The following RANBP2 variants were observed in gnomAD, a reference collection of about 807,000 sequenced individuals.
The protein encoded by RANBP2 is E3 SUMO-protein ligase RanBP2.
RANBP2 carries 57 observed loss-of-function variants against 303.6 expected under a neutral mutation model. That is an observed-to-expected ratio of 0.19 (90% CI 0.15 to 0.23). RANBP2 has a LOEUF of 0.23. Ranked by LOEUF, RANBP2 falls within the 10% of genes least tolerant of loss-of-function variation. The probability of loss-of-function intolerance (pLI) is 1.00; values close to 1 mark genes in which losing one functional copy is unlikely to be tolerated. For missense variants in RANBP2, 3,138 were observed against 3,780.8 expected, an observed-to-expected ratio of 0.83 and a Z score of 4.46; for synonymous variants, 1,167 against 1,301.5, an observed-to-expected ratio of 0.90 and a Z score of 2.23.
intron 1 of RANBP2, among the ~76,000 whole-genome samples, chr2:108,722,637 T>A (rs1021044127): frequency 8.1e-6 from 1 of 123,374 alleles, no homozygotes; most frequent in African/African-American, 5.0e-5. Context: ...TCACATGTGC[T>A]TTTGCCCTTA....
In RANBP2 at chr2:108,781,341, G is replaced by A. The variant is rs1283927646; in HGVS notation, c.8672G>A (p.Gly2891Asp). The A allele has an allele frequency of 6.2e-7, 1 of 1,614,146 alleles. No individual in the cohort carries two copies. The highest frequency in any genetic ancestry group is 1.7e-5 in the Admixed American group (1 of 60,022). ...CAGTCAGTCGGAACCCAGTCAGCCGGTAAAGTTGGTGAAGATGAAGATGGT... is the reference window on the plus strand; with the variant it reads ...CAGTCAGTCGGAACCCAGTCAGCCGATAAAGTTGGTGAAGATGAAGATGGT... ...GTQSVGTQSAGKVGEDEDGSD... is the reference protein window; with the variant it reads ...GTQSVGTQSADKVGEDEDGSD... Residue 2891 changes from glycine to aspartate, a missense_variant, in exon 26 of 29, where the codon GGT (glycine) becomes GAT (aspartate). Coordinates refer to ENST00000283195, the MANE Select transcript of RANBP2 (RefSeq NM_006267.5).
At chr2:109,589,235 C>G in the RANBP2 span, among the ~76,000 whole-genome samples, 3 of 152,070 alleles carry the variant, frequency 2.0e-5, no homozygotes, top group Admixed American at 1.3e-4. Context: ...CTCCACCTCC[C>G]AGGTTCAAGT....
chr2:109,228,414 C>T, the RANBP2 span, among the ~76,000 whole-genome samples: 38 of 152,248 alleles, frequency 2.5e-4, no homozygotes, highest in African/African-American at 9.1e-4. Context: ...TCCTTGATAC[C>T]CACAATGCAC....
At chr2:108,968,849 G>A in the RANBP2 span, among the ~76,000 whole-genome samples, 1,114 of 152,316 alleles carry the variant, frequency 7.3e-3, 13 homozygotes, top group African/African-American at 0.025. Flanking sequence ...GCTTCACTCT[G>A]CTATGCACTA....
the RANBP2 span, among the ~76,000 whole-genome samples, chr2:109,583,873 A>C: frequency 2.6e-5 from 4 of 152,168 alleles, no homozygotes; most frequent in African/African-American, 7.2e-5. Flanking sequence ...ATCCTAAGCA[A>C]ATTAACTCAG....
chr2:108,736,391 A>G, intron 6 of RANBP2, 142 bp downstream of exon 6: 1 of 1,490,396 alleles, frequency 6.7e-7, no homozygotes, highest in South Asian at 1.2e-5. Flanking sequence ...AACAACTAGG[A>G]GGCAATCTTA....
chr2:109,680,362 C>G, the RANBP2 span, among the ~76,000 whole-genome samples: 9 of 149,204 alleles, frequency 6.0e-5, no homozygotes, highest in African/African-American at 2.2e-4. Flanking sequence ...CAGAGCGAGA[C>G]TCTGTCTCAA....
chr2:108,878,406 T>C, the RANBP2 span: 91 of 215,540 alleles, frequency 4.2e-4, no homozygotes, highest in African/African-American at 2.1e-3. Context: ...AAACTGATAA[T>C]AAAATCAGGT....
intron 28 of RANBP2, among the ~76,000 whole-genome samples, chr2:108,783,282 G>GT (rs1245054524): frequency 8.0e-5 from 11 of 137,428 alleles, no homozygotes; most frequent in African/African-American, 3.1e-4. Context: ...AGTGAGCTAG[G>GT]TTTGCACCAC....
At chr2:109,003,988 A>T in the RANBP2 span, among the ~76,000 whole-genome samples, 1 of 152,228 alleles carries the variant, frequency 6.6e-6, no homozygotes, top group African/African-American at 2.4e-5. Flanking sequence ...CTTCTAGCTG[A>T]CATCAAAGAG....
At chr2:109,644,315 A>G in the RANBP2 span, among the ~76,000 whole-genome samples, 1 of 152,068 alleles carries the variant, frequency 6.6e-6, no homozygotes, top group East Asian at 1.9e-4. Context: ...CAAAAAAAAA[A>G]TCAGACTCCA....
the RANBP2 span, chr2:109,553,207 G>T: frequency 8.7e-6 from 14 of 1,613,864 alleles, no homozygotes; most frequent in Non-Finnish European, 1.2e-5. Context: ...TGGCTTCATA[G>T]GTCTCTTGAA....
the RANBP2 span, among the ~76,000 whole-genome samples, chr2:108,860,426 C>A: frequency 6.6e-6 from 1 of 151,750 alleles, no homozygotes; most frequent in African/African-American, 2.4e-5. Flanking sequence ...TTGGGGGAAA[C>A]CCTTTCAACT....
chr2:108,833,801 C>T, the RANBP2 span, among the ~76,000 whole-genome samples: 3 of 146,144 alleles, frequency 2.1e-5, no homozygotes, highest in Non-Finnish European at 4.5e-5. Context: ...GATCTCGGCT[C>T]ACTGCAAGCT....
At chr2:109,520,598 C>CAAAAAA in the RANBP2 span, among the ~76,000 whole-genome samples, 2 of 50,100 alleles carry the variant, frequency 4.0e-5, no homozygotes, top group Non-Finnish European at 8.0e-5. Context: ...GACTCCATCT[C>CAAAAAA]AAAAAAAAAA....
intron 7 of RANBP2, 43 bp downstream of exon 7, chr2:108,740,724 C>T: frequency 6.3e-7 from 1 of 1,597,200 alleles, no homozygotes; most frequent in Non-Finnish European, 8.5e-7. Context: ...TTCACTGAGT[C>T]TTGATGTGTT....
chr2:108,846,160 A>C, the RANBP2 span, among the ~76,000 whole-genome samples: 78 of 152,282 alleles, frequency 5.1e-4, no homozygotes, highest in Non-Finnish European at 1.0e-3. Flanking sequence ...ATGGTGGAGC[A>C]ATCAGCAACT....
intron 7 of RANBP2, among the ~76,000 whole-genome samples, chr2:108,746,230 T>TTGC (rs1696508242): frequency 8.3e-6 from 1 of 120,440 alleles, no homozygotes; most frequent in African/African-American, 3.6e-5. Context: ...TTTTTTTTTT[T>TTGC]GCGATGGAGC....
the RANBP2 span, among the ~76,000 whole-genome samples, chr2:108,992,652 C>T: frequency 1.3e-5 from 2 of 152,340 alleles, no homozygotes; most frequent in South Asian, 4.2e-4. Context: ...TGACATTGCT[C>T]AAATCCTAAC....
Sources: gnomAD v4.1 joint callset for allele counts (sites outside exome capture counted in the v4.1 genomes callset) on GRCh38, gnomAD v4.1.1 for gene constraint, MANE v1.5 for transcripts, NCBI Gene and HGNC (gene_info 2026-07-23, HGNC 2026-07-21) for gene names.